Variants in PLCH1 observed in about 807,000 individuals in gnomAD.
PLCH1 encodes phospholipase C eta 1.
In PLCH1, 60 loss-of-function variants were observed where a neutral mutation model predicts 126.7. The observed-to-expected ratio is 0.47, with a 90% CI of 0.38 to 0.59. The LOEUF (loss-of-function observed/expected upper bound fraction) is 0.59, where lower values mean the gene tolerates loss of function less well. PLCH1 is among the 20% of genes least tolerant of loss of function. PLCH1 has a pLI of 0.00. For synonymous variants in PLCH1, 719 were observed against 734.9 expected (o/e 0.98, Z 0.35); for missense variants, 1,723 against 2,040.0 (o/e 0.84, Z 2.99).
chr3:155,533,358 C>A (rs529861006), intron 10 of PLCH1, among the ~76,000 whole-genome samples: 1 of 152,096 alleles, frequency 6.6e-6, no homozygotes, highest in East Asian at 1.9e-4. Context: ...ACCAGCCTGA[C>A]CAACATGGTG....
At chr3:155,708,166 A>G (rs556102303) in intron 1 of PLCH1, among the ~76,000 whole-genome samples, 96 of 152,312 alleles carry the variant, frequency 6.3e-4, no homozygotes, top group African/African-American at 2.3e-3. Context: ...ACCCAGGCCA[A>G]TTACATCAGA....
chr3:155,599,936 AAAATCATAT>A (rs1423982485), intron 2 of PLCH1, among the ~76,000 whole-genome samples: 1 of 152,230 alleles, frequency 6.6e-6, no homozygotes, highest in Non-Finnish European at 1.5e-5. Context: ...GTTTTAGCAT[AAAATCATAT>A]AAATCATATA....
At chr3:155,629,783 C>G (rs1469336184) in intron 2 of PLCH1, among the ~76,000 whole-genome samples, 1 of 152,216 alleles carries the variant, frequency 6.6e-6, no homozygotes, top group Non-Finnish European at 1.5e-5. Flanking sequence ...TGGTCTCTTT[C>G]CAGCCTCTCC....
chr3:155,646,412 G>A lies in PLCH1; in HGVS notation c.80-50034C>T, dbSNP rs145125864. ...CTTCTGAAATGACATCCGGAACAGC[G>A]ACCAGCTAGTGTCACAGTTCTGTCT... On this transcript the variant is annotated intron_variant, in intron 2 of 22. Coordinates refer to ENST00000460012, the MANE Select transcript of PLCH1 (RefSeq NM_014996.4). Among the ~76,000 whole-genome samples, 351 of 152,132 alleles carry A rather than the reference G, an allele frequency of 2.3e-3. 2 individuals are homozygous for A. In the Middle Eastern group the frequency reaches 0.024, roughly 10 times the overall value.
At chr3:155,594,495 C>T (rs1350164234) in intron 3 of PLCH1, among the ~76,000 whole-genome samples, 3 of 152,020 alleles carry the variant, frequency 2.0e-5, no homozygotes, top group Non-Finnish European at 4.4e-5. Context: ...ATTGCTCGAA[C>T]CTGGGAGGCG....
At chr3:155,631,480 A>G (rs1738013876) in intron 2 of PLCH1, among the ~76,000 whole-genome samples, 1 of 152,214 alleles carries the variant, frequency 6.6e-6, no homozygotes, top group Non-Finnish European at 1.5e-5. Context: ...GTGGGTCACT[A>G]CAACATTCAG....
At chr3:155,504,496 T>C in intron 13 of PLCH1, 59 bp downstream of exon 13, 1 of 935,652 alleles carries the variant, frequency 1.1e-6, no homozygotes, top group Non-Finnish European at 1.8e-6. Context: ...ATTCTCCTGT[T>C]ATCTTCCAGA....
At chr3:155,710,723 C>T (rs1747052037) in intron 1 of PLCH1, among the ~76,000 whole-genome samples, 1 of 151,682 alleles carries the variant, frequency 6.6e-6, no homozygotes, top group Non-Finnish European at 1.5e-5. Flanking sequence ...ATCGCAGCTA[C>T]TCAGGAGGCT....
intron 2 of PLCH1, among the ~76,000 whole-genome samples, chr3:155,640,833 G>A (rs1444062414): frequency 6.6e-6 from 1 of 152,070 alleles, no homozygotes; most frequent in East Asian, 1.9e-4. Context: ...AATGCCCAGG[G>A]AGAATATCAG....
intron 1 of PLCH1, among the ~76,000 whole-genome samples, chr3:155,717,909 C>T (rs1347135247): frequency 6.6e-6 from 1 of 152,154 alleles, no homozygotes; most frequent in African/African-American, 2.4e-5. Context: ...CTTTCTCTAC[C>T]ACAAGGCCAG....
intron 2 of PLCH1, among the ~76,000 whole-genome samples, chr3:155,641,319 T>A (rs1301480832): frequency 6.6e-6 from 1 of 150,954 alleles, no homozygotes; most frequent in African/African-American, 2.4e-5. Context: ...CTTTATAGAT[T>A]TTTTTTTTAG....
chr3:155,526,816 G>A (rs1165429319), intron 10 of PLCH1, among the ~76,000 whole-genome samples: 8 of 152,218 alleles, frequency 5.3e-5, no homozygotes, highest in Non-Finnish European at 1.0e-4. Flanking sequence ...GCTGTCAAAT[G>A]TTGGGGTAAT....
intron 12 of PLCH1, among the ~76,000 whole-genome samples, chr3:155,511,166 C>T (rs1354216132): frequency 1.7e-4 from 1 of 5,860 alleles, no homozygotes; most frequent in African/African-American, 2.6e-3. Flanking sequence ...GAGGCTTCTG[C>T]ATTCTTCACG....
intron 6 of PLCH1, among the ~76,000 whole-genome samples, chr3:155,568,827 G>A (rs1404912724): frequency 6.6e-6 from 1 of 151,248 alleles, no homozygotes; most frequent in Admixed American, 6.6e-5. Context: ...GTCTGCCATG[G>A]TAATACAGGA....
chr3:155,602,834 C>T (rs973307833), intron 2 of PLCH1, among the ~76,000 whole-genome samples: 11 of 152,110 alleles, frequency 7.2e-5, no homozygotes, highest in African/African-American at 2.4e-4. Context: ...CACACACACA[C>T]ATATATACAT....
At position 155,481,160 on chromosome 3, in the gene PLCH1, G is replaced by A. The variant is rs908783879; in HGVS notation, c.4866C>T (p.Ser1622=). ...GGTAGCCTGCGATGTAGGAGCCGGT[G>A]GAGTGGCGATTCACTGCAGGGGTGG... ...SAPTPAVNRH[S]TGSYIAGYLK... is the part of the protein sequence containing the mutation. The change falls in exon 23 of 23, where the codon TCC becomes TCT. Residue 1622 remains serine, a synonymous_variant. Transcript: ENST00000460012. The surrounding 1 kb of genome is among the most constrained non-coding windows in gnomAD (Gnocchi z 4.2). 1 of 1,614,232 alleles carries A rather than the reference G, an allele frequency of 6.2e-7. No homozygotes were observed. The highest frequency in any genetic ancestry group is 1.1e-5 in the South Asian group (1 of 91,088).
At chr3:155,650,406 A>G (rs1476880188) in intron 2 of PLCH1, among the ~76,000 whole-genome samples, 1 of 152,204 alleles carries the variant, frequency 6.6e-6, no homozygotes, top group African/African-American at 2.4e-5. Context: ...CCCTGAGAAC[A>G]TGCCAGGAGA....
At chr3:155,617,648 A>G (rs769190957) in intron 2 of PLCH1, among the ~76,000 whole-genome samples, 10 of 152,226 alleles carry the variant, frequency 6.6e-5, no homozygotes, top group Non-Finnish European at 1.0e-4. Context: ...CATAAGTACA[A>G]TAAGAATCTG....
At chr3:155,708,950 C>T (rs1459689971) in intron 1 of PLCH1, among the ~76,000 whole-genome samples, 2 of 152,242 alleles carry the variant, frequency 1.3e-5, no homozygotes, top group Admixed American at 6.5e-5. Flanking sequence ...CTCCCTCCCC[C>T]TTAGCCCCTG....
Sources: gnomAD v4.1 joint callset for allele counts (sites outside exome capture counted in the v4.1 genomes callset) on GRCh38, gnomAD v4.1.1 for gene constraint, Gnocchi (gnomAD v3.1) non-coding constraint, MANE v1.5 for transcripts, NCBI Gene and HGNC (gene_info 2026-07-23, HGNC 2026-07-21) for gene names.